Variants in BIRC6 observed in about 807,000 individuals in gnomAD.
BIRC6 encodes baculoviral IAP repeat containing 6.
In BIRC6, 98 loss-of-function variants were observed where a neutral mutation model predicts 503.3. The observed-to-expected ratio is 0.19, with a 90% CI of 0.17 to 0.23. The LOEUF (loss-of-function observed/expected upper bound fraction) is 0.23, where lower values mean the gene tolerates loss of function less well. BIRC6 is among the 10% of genes least tolerant of loss of function. The pLI is 1.00. For missense variants in BIRC6, 5,360 were observed against 5,806.0 expected (o/e 0.92, Z 2.50); for synonymous variants, 2,240 against 2,078.7 (o/e 1.08, Z -2.11).
At chr2:32,508,610 A>G (rs1572698967) in intron 51 of BIRC6, among the ~76,000 whole-genome samples, 2 of 152,150 alleles carry the variant, frequency 1.3e-5, no homozygotes, top group Middle Eastern at 3.4e-3. Flanking sequence ...AACCATACCA[A>G]CTGACCTTAG....
chr2:32,390,104 C>T (rs569754443), intron 4 of BIRC6, among the ~76,000 whole-genome samples: 2 of 152,250 alleles, frequency 1.3e-5, no homozygotes, highest in African/African-American at 4.8e-5. Flanking sequence ...AGGTGATCTA[C>T]CTGCCTTGGC....
intron 1 of BIRC6, among the ~76,000 whole-genome samples, chr2:32,376,598 A>G (rs1040269305): frequency 2.0e-5 from 3 of 152,190 alleles, no homozygotes; most frequent in African/African-American, 4.8e-5. Flanking sequence ...TTTCTAGGCT[A>G]CGTGTTTTGT....
chr2:32,400,368 T>TGG (rs2040467986), intron 6 of BIRC6, among the ~76,000 whole-genome samples: 1 of 143,916 alleles, frequency 6.9e-6, no homozygotes, highest in Non-Finnish European at 1.5e-5. Flanking sequence ...AGGTGGAGTC[T>TGG]CACTCCGTTG....
intron 23 of BIRC6, among the ~76,000 whole-genome samples, chr2:32,457,994 T>C (rs2047429840): frequency 6.6e-6 from 1 of 152,138 alleles, no homozygotes; most frequent in South Asian, 2.1e-4. Flanking sequence ...TTGTAAACAA[T>C]CAGTTTTGCA....
chr2:32,557,560 A>G (rs561431342), intron 65 of BIRC6: 1 of 152,292 alleles, frequency 6.6e-6, no homozygotes, highest in Admixed American at 6.5e-5. Context: ...TGGAAGCATC[A>G]TATAGTAATT....
chr2:32,514,795 A>G (rs954476496), intron 54 of BIRC6, among the ~76,000 whole-genome samples, 195 bp from the exon 55 acceptor site: 4 of 152,170 alleles, frequency 2.6e-5, no homozygotes, highest in Non-Finnish European at 5.9e-5. Context: ...TTGTACCTAC[A>G]TTCTTCAATT....
chr2:32,617,850 T>C lies in BIRC6; in HGVS notation c.14520T>C (p.His4840=), dbSNP rs1326779832. 3.1e-6 allele frequency: 5 copies of C among 1,613,832 alleles called. No homozygotes were observed. The African/African-American group carries it at 4.0e-5, about 13-fold the overall frequency. ...CAGGTGCTGAGGAGACTCTAATGCA[T>C]GATCAGGTTAAACCCAGCAGCAGCA... ...ATTGAEETLM[H]DQVKPSSSKE... is the part of the protein sequence containing the mutation. Residue 4840 remains histidine, a synonymous_variant, in exon 74 of 74, where the codon CAT becomes CAC. Coordinates refer to ENST00000421745, the MANE Select transcript of BIRC6 (RefSeq NM_016252.4).
chr2:32,378,319 TC>T (rs1251821963), intron 2 of BIRC6, among the ~76,000 whole-genome samples: 15 of 152,094 alleles, frequency 9.9e-5, no homozygotes, highest in Admixed American at 9.8e-4. Context: ...TCATATAGCC[TC>T]ATATTTACCC....
intron 22 of BIRC6, among the ~76,000 whole-genome samples, chr2:32,452,540 A>C (rs2046836560): frequency 1.3e-5 from 2 of 152,136 alleles, no homozygotes; most frequent in South Asian, 4.1e-4. Context: ...TCAGTTCCTT[A>C]AATGTGCCAT....
intron 72 of BIRC6, among the ~76,000 whole-genome samples, chr2:32,609,733 C>G: frequency 7.3e-6 from 1 of 136,856 alleles, no homozygotes; most frequent in Admixed American, 7.9e-5. Flanking sequence ...CTGGGCAGCA[C>G]GGTGAGACTC....
intron 8 of BIRC6, among the ~76,000 whole-genome samples, chr2:32,403,018 A>G (rs1342715498): frequency 1.3e-5 from 2 of 152,176 alleles, no homozygotes; most frequent in Non-Finnish European, 1.5e-5. Flanking sequence ...AGTTGAGGTA[A>G]TCTCTACTTG....
chr2:32,607,472 G>A lies in BIRC6; in HGVS notation c.14088G>A (p.Gln4696=), dbSNP rs773188369. ...SSFLQVLVSV[Q]SLILVAEPYF... is the part of the protein sequence containing the mutation. ...TTCTTTAGGTGTTGGTGTCTGTCCA[G>A]TCCCTTATATTAGTAGCTGAGCCTT... is the stretch of plus-strand genomic sequence containing the variant. Residue 4696 remains glutamine, a synonymous_variant, in exon 72 of 74, where the codon CAG becomes CAA. Transcript: ENST00000421745. The A allele has an allele frequency of 3.1e-6, 5 of 1,596,374 alleles. No homozygotes were observed. In the African/African-American group the frequency reaches 5.4e-5, roughly 17 times the overall value.
At chr2:32,421,048 C>G (rs938126453) in intron 10 of BIRC6, among the ~76,000 whole-genome samples, 1 of 149,184 alleles carries the variant, frequency 6.7e-6, no homozygotes, top group Admixed American at 6.7e-5. Context: ...TTATTATTTC[C>G]TCCCCTCTGC....
rs1474720969 is a variant in BIRC6 at position 32,432,795 on chromosome 2, A to T, written c.3249-849A>T. 2.0e-5 allele frequency among the ~76,000 whole-genome samples: 3 copies of T among 151,200 alleles called. No individual in the cohort carries two copies. The East Asian group carries it at 5.8e-4, about 29-fold the overall frequency. On this transcript the variant is annotated intron_variant, in intron 12 of 73. Coordinates refer to ENST00000421745, the MANE Select transcript of BIRC6 (RefSeq NM_016252.4). ...AAAAAAAACTTTCATGCTACGTGAG[A>T]TGGGAAAGTGTTAGCAGGTTTGAAT...
In BIRC6 at chr2:32,378,071, G is replaced by T. The variant is rs72798765; in HGVS notation, c.507+302G>T. 2.2e-3 allele frequency among the ~76,000 whole-genome samples: 342 copies of T among 152,102 alleles called. 4 individuals are homozygous for T. The highest frequency in any genetic ancestry group is 8.0e-3 in the African/African-American group (331 of 41,486). On this transcript the variant is annotated intron_variant, in intron 2 of 73. Transcript: ENST00000421745. ...AGCTTGTTTCCAATAATAGTCCAGG[G>T]CTAAGTGTATGGCCATCATTGCCAA...
At chr2:32,510,173 C>A (rs2054253862) in intron 52 of BIRC6, among the ~76,000 whole-genome samples, 179 bp downstream of exon 52, 1 of 152,044 alleles carries the variant, frequency 6.6e-6, no homozygotes, top group Non-Finnish European at 1.5e-5. Flanking sequence ...TGCAGTGGCG[C>A]AATCTTGGCT....
At chr2:32,595,346 A>AG (rs1490521172) in intron 68 of BIRC6, among the ~76,000 whole-genome samples, 1 of 152,246 alleles carries the variant, frequency 6.6e-6, no homozygotes, top group Non-Finnish European at 1.5e-5. Flanking sequence ...CTTCAATAGA[A>AG]GGACTGTAAG....
chr2:32,590,724 G>T, intron 66 of BIRC6: 1 of 931,010 alleles, frequency 1.1e-6, no homozygotes, highest in Non-Finnish European at 1.3e-6. Flanking sequence ...TATTTAGTTG[G>T]AATTCACAGC....
intron 16 of BIRC6, among the ~76,000 whole-genome samples, chr2:32,440,454 C>A (rs561650832): frequency 2.6e-5 from 4 of 152,084 alleles, no homozygotes; most frequent in African/African-American, 9.7e-5. Context: ...CAGCTCCTTA[C>A]AATTGACTTA....
Sources: allele counts gnomAD v4.1 joint callset (sites outside exome capture counted in the v4.1 genomes callset), GRCh38; gene constraint gnomAD v4.1.1; transcripts MANE v1.5; gene names NCBI Gene and HGNC (gene_info 2026-07-23, HGNC 2026-07-21).